The following ARIH2 variants were observed in gnomAD, a reference collection of about 807,000 sequenced individuals.
ARIH2 encodes the protein E3 ubiquitin-protein ligase ARIH2.
Under a neutral mutation model 79.8 loss-of-function variants are expected in ARIH2, and 12 were observed. That is an observed-to-expected ratio of 0.15 (90% CI 0.10 to 0.24). ARIH2 has a LOEUF of 0.24. Ranked by LOEUF, ARIH2 falls within the 10% of genes least tolerant of loss-of-function variation. The pLI, the probability that ARIH2 is intolerant of heterozygous loss-of-function variation, is 1.00. For missense variants in ARIH2, 301 were observed against 618.3 expected (o/e 0.49, Z 5.44); for synonymous variants, 224 against 213.9 (o/e 1.05, Z -0.41).
intron 6 of ARIH2, 46 bp downstream of exon 6, chr3:48,967,321 T>A (rs769683419): frequency 3.2e-6 from 5 of 1,582,434 alleles, no homozygotes; most frequent in African/African-American, 1.4e-5. Flanking sequence ...GAAGTGTTTA[T>A]CTTTGACTCT....
rs930807466 is a variant in ARIH2 at position 48,935,784 on chromosome 3, G to A, written c.255+7971G>A. Among the ~76,000 whole-genome samples the A allele has an allele frequency of 3.3e-5, 5 of 152,160 alleles. No homozygotes were observed. In the South Asian group the frequency reaches 1.0e-3, roughly 32 times the overall value. Reference sequence around the variant, plus strand: ...GGGGCAAAAGTGGAAGGATGGGAGTGTTATTTGTCTTGGTTCCTTAAAACA... The same window carrying A: ...GGGGCAAAAGTGGAAGGATGGGAGTATTATTTGTCTTGGTTCCTTAAAACA... On this transcript the variant is annotated intron_variant, in intron 3 of 15. Coordinates refer to ENST00000356401, the MANE Select transcript of ARIH2 (RefSeq NM_006321.4).
At chr3:48,968,803 C>G (rs1408918845) in intron 7 of ARIH2, 148 bp downstream of exon 7, 6 of 1,026,528 alleles carry the variant, frequency 5.8e-6, no homozygotes, top group Non-Finnish European at 8.3e-6. Flanking sequence ...AGTTTGAAAA[C>G]CACTGGAGTG....
At chr3:48,968,257 G>C in intron 6 of ARIH2, 1 of 197,154 alleles carries the variant, frequency 5.1e-6, no homozygotes, top group South Asian at 7.4e-5. Flanking sequence ...GCCCAGGCTG[G>C]AGTGCAGTGG....
At chr3:48,973,620 G>A in intron 8 of ARIH2, 79 bp from the exon 9 acceptor site, 1 of 952,258 alleles carries the variant, frequency 1.1e-6, no homozygotes, top group South Asian at 1.5e-5. Flanking sequence ...ATGATTTGTT[G>A]GCTTGGATAA....
rs145003996 is a variant in ARIH2, at chr3:48,944,528, A to G, written c.255+16715A>G. Reference sequence around the variant, plus strand: ...ATTTGGGTACCTCAGTTACAAGTCAACCCTCCTTCCATGTCCCTGTAAAGA... The same window carrying G: ...ATTTGGGTACCTCAGTTACAAGTCAGCCCTCCTTCCATGTCCCTGTAAAGA... On this transcript the variant is annotated intron_variant, in intron 3 of 15. Transcript: ENST00000356401. Among the ~76,000 whole-genome samples the G allele has an allele frequency of 1.6e-4, 25 of 152,234 alleles. No individual in the cohort carries two copies. The East Asian group carries it at 2.1e-3, about 13-fold the overall frequency.
At chr3:48,965,874 C>G (rs1023690740) in intron 5 of ARIH2, among the ~76,000 whole-genome samples, 17 of 151,712 alleles carry the variant, frequency 1.1e-4, no homozygotes, top group African/African-American at 3.4e-4. Flanking sequence ...GGCAGGAGAA[C>G]TGGTTGAACC....
At chr3:48,953,453 G>A (rs2090197330) in intron 3 of ARIH2, among the ~76,000 whole-genome samples, 1 of 151,924 alleles carries the variant, frequency 6.6e-6, no homozygotes, top group Admixed American at 6.6e-5. Context: ...TCCCAGGCTG[G>A]AGGGCAGTGG....
intron 3 of ARIH2, among the ~76,000 whole-genome samples, chr3:48,937,383 T>C (rs1459080624): frequency 2.0e-5 from 3 of 152,120 alleles, no homozygotes; most frequent in African/African-American, 4.8e-5. Context: ...AAATAGAGGA[T>C]TGACCCTCTA....
chr3:48,926,242 CGTGTGT>C (rs34080246), intron 2 of ARIH2, among the ~76,000 whole-genome samples: 160 of 148,146 alleles, frequency 1.1e-3, no homozygotes, highest in African/African-American at 3.6e-3. Flanking sequence ...GAGTTTCCCT[CGTGTGT>C]GTGTGTGTGT....
At position 48,973,816 on chromosome 3, in the gene ARIH2, C is replaced by T. The variant is rs748023802; in HGVS notation, c.888C>T (p.Asp296=). The change falls in exon 9 of 16, where the codon GAC becomes GAT. Residue 296 remains aspartate (D), a splice_region_variant and synonymous_variant. Coordinates refer to ENST00000356401, the MANE Select transcript of ARIH2 (RefSeq NM_006321.4). ...TANYISAHTK[D]CPKCNICIEK... is the part of the protein sequence containing the mutation. ...ACTACATTAGTGCTCACACTAAAGACGTAAGGACCGTATTTTACCTCTCAT... is the reference window on the plus strand; with the variant it reads ...ACTACATTAGTGCTCACACTAAAGATGTAAGGACCGTATTTTACCTCTCAT... 7 of 1,603,078 alleles carry T rather than the reference C, an allele frequency of 4.4e-6. No homozygotes were observed. The highest frequency in any genetic ancestry group is 3.3e-5 in the Admixed American group (2 of 59,894).
intron 3 of ARIH2, among the ~76,000 whole-genome samples, chr3:48,935,819 G>C (rs1372951493): frequency 6.6e-6 from 1 of 152,088 alleles, no homozygotes; most frequent in African/African-American, 2.4e-5. Context: ...ACATTCTCAG[G>C]GTTGTGTGTC....
intron 1 of ARIH2, chr3:48,919,415 G>T: frequency 2.7e-6 from 1 of 365,222 alleles, no homozygotes. Context: ...CTCCGCGTCC[G>T]CGCGAATATC....
intron 3 of ARIH2, among the ~76,000 whole-genome samples, chr3:48,954,391 C>T (rs761210714): frequency 2.0e-5 from 3 of 151,792 alleles, no homozygotes; most frequent in Admixed American, 6.6e-5. Context: ...GAGCCAGGAT[C>T]GCACTACTGC....
At chr3:48,927,348 G>A (rs2085764658) in intron 2 of ARIH2, 114 bp from the exon 3 acceptor site, 1 of 559,484 alleles carries the variant, frequency 1.8e-6, no homozygotes, top group African/African-American at 1.9e-5. Flanking sequence ...ACCAGAGTTG[G>A]AATAGGCTGT....
intron 3 of ARIH2, among the ~76,000 whole-genome samples, chr3:48,953,720 A>T (rs898940371): frequency 2.0e-5 from 3 of 151,442 alleles, no homozygotes; most frequent in Non-Finnish European, 4.4e-5. Flanking sequence ...TTCTTGAAAC[A>T]GTGTCTTGCT....
At chr3:48,932,227 T>G (rs1298961441) in intron 3 of ARIH2, among the ~76,000 whole-genome samples, 1 of 152,116 alleles carries the variant, frequency 6.6e-6, no homozygotes. Context: ...CTGCTGGCAT[T>G]CAAATAGTGG....
intron 1 of ARIH2, among the ~76,000 whole-genome samples, chr3:48,920,952 C>G: frequency 1.5e-5 from 1 of 67,808 alleles, no homozygotes; most frequent in African/African-American, 4.5e-5. Context: ...AGCACTTTTT[C>G]TTTCTTTCAT....
At chr3:48,924,411 G>C (rs1008078316) in intron 2 of ARIH2, among the ~76,000 whole-genome samples, 1 of 152,026 alleles carries the variant, frequency 6.6e-6, no homozygotes, top group Non-Finnish European at 1.5e-5. Flanking sequence ...CTAGGCTGGA[G>C]TGCAGTGGCA....
chr3:48,951,169 G>T (rs928138447), intron 3 of ARIH2, among the ~76,000 whole-genome samples: 1 of 151,940 alleles, frequency 6.6e-6, no homozygotes, highest in African/African-American at 2.4e-5. Flanking sequence ...TTGCCATGTT[G>T]CCTTGGCTGG....
Sources: gnomAD v4.1 joint callset for allele counts (sites outside exome capture counted in the v4.1 genomes callset) on GRCh38, gnomAD v4.1.1 for gene constraint, MANE v1.5 for transcripts, NCBI Gene and HGNC (gene_info 2026-07-23, HGNC 2026-07-21) for gene names.